Variants in TRAPPC10 observed in about 807,000 individuals in gnomAD.
TRAPPC10 encodes the protein trafficking protein particle complex subunit 10, also known as TRAPP 130 kDa subunit.
TRAPPC10 carries 23 observed loss-of-function variants against 125.5 expected under a neutral mutation model. The observed-to-expected ratio is 0.18, with a 90% CI of 0.13 to 0.26. The LOEUF (loss-of-function observed/expected upper bound fraction) is 0.26, where lower values mean the gene tolerates loss of function less well. Among genes scored for constraint, TRAPPC10 ranks in the 10% least tolerant of loss-of-function variants. The probability of loss-of-function intolerance (pLI) is 1.00; values close to 1 mark genes in which losing one functional copy is unlikely to be tolerated. For missense variants in TRAPPC10, 1,123 were observed against 1,308.4 expected, an observed-to-expected ratio of 0.86 and a Z score of 2.19; for synonymous variants, 509 against 518.0, an observed-to-expected ratio of 0.98 and a Z score of 0.24.
chr21:44,024,140 T>C (rs965774086), intron 1 of TRAPPC10, among the ~76,000 whole-genome samples: 1 of 152,238 alleles, frequency 6.6e-6, no homozygotes, highest in Non-Finnish European at 1.5e-5. Flanking sequence ...ATAAGTTCAC[T>C]CTTTTTGATG....
chr21:44,072,545 C>T (rs375464286), intron 7 of TRAPPC10, among the ~76,000 whole-genome samples: 1 of 152,158 alleles, frequency 6.6e-6, no homozygotes, highest in South Asian at 2.1e-4. Context: ...CTCACCGCAA[C>T]CTCCGCCTCC....
chr21:44,076,711 A>G (rs2037309734), intron 10 of TRAPPC10, 83 bp downstream of exon 10: 2 of 1,248,994 alleles, frequency 1.6e-6, no homozygotes, highest in Middle Eastern at 3.7e-4. Context: ...TGAGTTGGGA[A>G]GGAACTGGTG....
Position 44,074,614 on chromosome 21 carries a change from TG to T in TRAPPC10, c.1185+145del, listed in dbSNP as rs560661863. 628 of 1,110,890 alleles carry T rather than the reference TG, an allele frequency of 5.7e-4. 5 individuals carry two copies. The Middle Eastern group carries it at 9.8e-3, about 17-fold the overall frequency. 68.8% of individuals were successfully genotyped at this position (1,110,890 alleles called of 1,614,324 possible). A position where few individuals can be genotyped will look rare whatever the true frequency, so the allele number is the denominator to read the frequency against. On this transcript the variant is annotated intron_variant, in intron 8 of 22. Transcript: ENST00000291574. The stretch of plus-strand genomic sequence containing the variant: ...TTAGTGGCCCTAGAAGGTGTCTGGG[TG>T]CAGCCAAAGAAGTCATAGTTCCCTA...
At position 44,086,841 on chromosome 21, in the gene TRAPPC10, C is replaced by T. The variant is rs1336299336; in HGVS notation, c.2420C>T (p.Thr807Ile). 3 of 1,614,202 alleles carry T rather than the reference C, an allele frequency of 1.9e-6. No homozygotes were observed. Among genetic ancestry groups the T allele is most frequent in the Admixed American group, 1.7e-5 (1 of 60,026 alleles). Residue 807 changes from threonine to isoleucine, a missense_variant, in exon 16 of 23, where the codon ACT becomes ATT. Physicochemically the swap from Thr to Ile is moderately conservative, Grantham distance 89. This residue lies in a region of TRAPPC10 where 840 missense variants were observed against 902.0 expected (regional missense o/e 0.93). Transcript: ENST00000291574. ...LAGIPQRVKF[T>I]VTTGHYTIKN... ...GGCATTCCTCAGAGAGTCAAGTTCACTGTCACTACCGGCCATTATACGATA... is the reference window on the plus strand; with the variant it reads ...GGCATTCCTCAGAGAGTCAAGTTCATTGTCACTACCGGCCATTATACGATA...
At chr21:44,086,229 C>T (rs181669634) in intron 15 of TRAPPC10, among the ~76,000 whole-genome samples, 25 of 152,206 alleles carry the variant, frequency 1.6e-4, no homozygotes, top group South Asian at 2.1e-4. Context: ...ACTCTCCCCC[C>T]GGTCCTGGTA....
intron 1 of TRAPPC10, among the ~76,000 whole-genome samples, chr21:44,030,176 C>G (rs7275736): frequency 6.6e-6 from 1 of 151,978 alleles, no homozygotes; most frequent in Non-Finnish European, 1.5e-5. Context: ...TTACTCTGTA[C>G]GGATGTTATT....
chr21:44,058,756 G>C (rs1448296115), intron 5 of TRAPPC10, among the ~76,000 whole-genome samples: 1 of 152,210 alleles, frequency 6.6e-6, no homozygotes, highest in African/African-American at 2.4e-5. Flanking sequence ...CTCGGGGAGC[G>C]AGAGGAACCA....
At chr21:44,058,908 C>T (rs2035819634) in intron 5 of TRAPPC10, among the ~76,000 whole-genome samples, 195 bp from the exon 6 acceptor site, 2 of 152,202 alleles carry the variant, frequency 1.3e-5, no homozygotes, top group Admixed American at 6.5e-5. Context: ...CAGAAATTAC[C>T]TTAGCTTTTC....
chr21:44,056,996 A>C (rs925641787), intron 5 of TRAPPC10, among the ~76,000 whole-genome samples: 1 of 152,180 alleles, frequency 6.6e-6, no homozygotes, highest in African/African-American at 2.4e-5. Context: ...TTCAGAATTT[A>C]AAATGAGTAA....
intron 5 of TRAPPC10, among the ~76,000 whole-genome samples, chr21:44,056,615 G>A (rs971582400): frequency 1.3e-5 from 2 of 152,178 alleles, no homozygotes; most frequent in African/African-American, 2.4e-5. Flanking sequence ...TCATCTCACG[G>A]CAGTCACGGA....
At chr21:44,017,515 A>G (rs2032004668) in intron 1 of TRAPPC10, among the ~76,000 whole-genome samples, 1 of 152,222 alleles carries the variant, frequency 6.6e-6, no homozygotes, top group South Asian at 2.1e-4. Flanking sequence ...GCTAAAAGGA[A>G]TACTTAAAAA....
intron 7 of TRAPPC10, among the ~76,000 whole-genome samples, chr21:44,066,378 G>T (rs184520782): frequency 6.6e-6 from 1 of 152,168 alleles, no homozygotes; most frequent in African/African-American, 2.4e-5. Context: ...CTAGCCTTGC[G>T]CACTCCCTTA....
At chr21:44,036,965 C>T (rs2034028180) in intron 2 of TRAPPC10, among the ~76,000 whole-genome samples, 2 of 152,152 alleles carry the variant, frequency 1.3e-5, no homozygotes, top group Non-Finnish European at 2.9e-5. Flanking sequence ...TGATTAATCT[C>T]CCAAAGGACA....
Position 44,083,274 on chromosome 21 carries a change from G to A in TRAPPC10, c.2210G>A (p.Gly737Glu). The A allele has an allele frequency of 6.2e-7, 1 of 1,613,922 alleles. No homozygotes were observed. The highest frequency in any genetic ancestry group is 8.5e-7 in the Non-Finnish European group (1 of 1,179,946). The change falls in exon 14 of 23, where the codon GGG becomes GAG. Residue 737 changes from glycine (G) to glutamate (E), a missense_variant. By Grantham distance (98) the Gly-to-Glu change is moderately conservative. This residue lies in a region of TRAPPC10 where 840 missense variants were observed against 902.0 expected (regional missense o/e 0.93). Transcript: ENST00000291574. ...LRCSHVTLEPGANQITFRTQA... is the reference protein window; with the variant it reads ...LRCSHVTLEPEANQITFRTQA... ...TGCAGCCACGTGACCCTGGAACCAGGGGCCAACCAGATAACATTCAGGACT... is the reference window on the plus strand; with the variant it reads ...TGCAGCCACGTGACCCTGGAACCAGAGGCCAACCAGATAACATTCAGGACT...
At chr21:44,046,009 G>T (rs1477299119) in intron 3 of TRAPPC10, among the ~76,000 whole-genome samples, 1 of 151,734 alleles carries the variant, frequency 6.6e-6, no homozygotes, top group Non-Finnish European at 1.5e-5. Context: ...ATATCCACCG[G>T]AGAGGAAATC....
intron 6 of TRAPPC10, among the ~76,000 whole-genome samples, chr21:44,061,025 C>A (rs924139092): frequency 1.3e-5 from 2 of 151,984 alleles, no homozygotes; most frequent in African/African-American, 4.8e-5. Context: ...GCAACCTTCT[C>A]CTCCTGATTT....
chr21:44,058,701 A>T (rs1056889059), intron 5 of TRAPPC10, among the ~76,000 whole-genome samples: 1 of 152,162 alleles, frequency 6.6e-6, no homozygotes, highest in Non-Finnish European at 1.5e-5. Context: ...GTGAGTGTAG[A>T]CAGGGAAGTC....
At chr21:44,064,626 CGG>C (rs2036304403) in intron 7 of TRAPPC10, among the ~76,000 whole-genome samples, 1 of 152,080 alleles carries the variant, frequency 6.6e-6, no homozygotes, top group Non-Finnish European at 1.5e-5. Flanking sequence ...AACAAGAAAA[CGG>C]AGTCTGGAAG....
Position 44,080,070 on chromosome 21 carries a change from C to A in TRAPPC10, c.1666C>A (p.Arg556Ser). The change falls in exon 13 of 23, where the codon CGC (arginine) becomes AGC (serine). Residue 556 changes from arginine to serine, a missense_variant. By Grantham distance (110) the Arg-to-Ser change is moderately radical. Around this residue, in one of 4 missense-constraint regions of TRAPPC10, gnomAD observed 840 missense variants for 902.0 expected, o/e 0.93. Coordinates refer to ENST00000291574, the MANE Select transcript of TRAPPC10 (RefSeq NM_003274.5). ...ASDHHLTEEE[R>S]KHFCQEILDF... ...TGACCACCACCTCACTGAAGAGGAG[C>A]GCAAGCACTTCTGCCAGGAGATACT... 2 of 1,614,126 alleles carry A rather than the reference C, an allele frequency of 1.2e-6. No individual in the cohort carries two copies. The highest frequency in any genetic ancestry group is 1.7e-6 in the Non-Finnish European group (2 of 1,180,024).
Sources: gnomAD v4.1 joint callset for allele counts (sites outside exome capture counted in the v4.1 genomes callset) on GRCh38, gnomAD v4.1.1 for gene constraint, gnomAD v4.1.1 regional missense constraint, MANE v1.5 for transcripts, NCBI Gene and HGNC (gene_info 2026-07-23, HGNC 2026-07-21) for gene names.